PUS7L: variants seen among roughly 807,000 people sequenced by gnomAD.
PUS7L encodes the protein pseudouridylate synthase PUS7L.
PUS7L carries 49 observed loss-of-function variants against 51.1 expected under a neutral mutation model. The ratio of observed to expected loss-of-function variants is 0.96; its 90% confidence interval spans 0.76 to 1.22. The LOEUF is 1.22. PUS7L is among the 50% of genes most tolerant of loss of function. The pLI is 0.00. For missense variants in PUS7L, 828 were observed against 820.6 expected (o/e 1.01, Z -0.11); for synonymous variants, 277 against 276.2 (o/e 1.00, Z -0.03).
At position 43,754,377 on chromosome 12, in the gene PUS7L, C is replaced by T. The variant is rs147072734; in HGVS notation, c.869G>A (p.Arg290Lys). The T allele has an allele frequency of 2.3e-3, 3,722 of 1,607,082 alleles. 4 individuals are homozygous for T. The highest frequency in any genetic ancestry group is 2.7e-3 in the Non-Finnish European group (3,208 of 1,177,710). The change falls in exon 2 of 9, where the codon AGG becomes AAG. Residue 290 changes from arginine (R) to lysine (K), a missense_variant. By Grantham distance (26) the Arg-to-Lys change is conservative. Transcript: ENST00000344862. ...TCCTTCTTGGCATTCAGAAAGAGGC[C>T]TTTTCCCACGTTTGTGTGCTTTTTC... ...FREKAHKRGK[R>K]PLSECQEGKV...
At position 43,754,873 on chromosome 12, in the gene PUS7L, A is replaced by G. The variant is rs1299457469; in HGVS notation, c.373T>C (p.Leu125=). 6.2e-7 allele frequency: 1 copy of G among 1,613,742 alleles called. No homozygotes were observed. Among genetic ancestry groups the G allele is most frequent in the Non-Finnish European group, 8.5e-7 (1 of 1,179,846 alleles). ...GTTTTTTCATCCAAAAAGGAGCTTA[A>G]AACATCAGCTTTTTCTTCACATTTG... ...TSKCEEKADV[L]SSFLDEKTHE... Residue 125 remains leucine (L), a synonymous_variant, in exon 2 of 9, where the codon TTA becomes CTA. Coordinates refer to ENST00000344862, the MANE Select transcript of PUS7L (RefSeq NM_031292.5).
chr12:43,738,231 A>G lies in PUS7L; in HGVS notation c.1444+79T>C, dbSNP rs564684451. 1.4e-5 allele frequency: 11 copies of G among 792,158 alleles called. No homozygotes were observed. In the East Asian group the frequency reaches 2.5e-4, roughly 18 times the overall value. 49.1% of individuals were successfully genotyped at this position (792,158 alleles called of 1,614,324 possible). A position where few individuals can be genotyped will look rare whatever the true frequency, so the allele number is the denominator to read the frequency against. ...TCTTATCACATTTATGTTACAATAA[A>G]TGCTCTCCTGCTGATAAAACATTTA... On this transcript the variant is annotated intron_variant, in intron 6 of 8. Transcript: ENST00000344862.
chr12:43,744,333 G>A (rs1363360626), intron 4 of PUS7L, among the ~76,000 whole-genome samples: 1 of 152,086 alleles, frequency 6.6e-6, no homozygotes, highest in Non-Finnish European at 1.5e-5. Context: ...TTGAATTATG[G>A]GGTCGGTTTT....
At chr12:43,751,268 T>C (rs1327627269) in intron 2 of PUS7L, among the ~76,000 whole-genome samples, 3 of 152,006 alleles carry the variant, frequency 2.0e-5, no homozygotes, top group Admixed American at 6.6e-5. Flanking sequence ...TACATATGTA[T>C]ACATGTGCCA....
intron 1 of PUS7L, among the ~76,000 whole-genome samples, chr12:43,757,998 G>A (rs372815355): frequency 1.2e-4 from 19 of 152,280 alleles, no homozygotes; most frequent in African/African-American, 2.4e-4. Flanking sequence ...GATGGCTACT[G>A]TTAGTGTTTG....
At chr12:43,755,978 A>G (rs550972147) in intron 1 of PUS7L, among the ~76,000 whole-genome samples, 1 of 152,192 alleles carries the variant, frequency 6.6e-6, no homozygotes, top group Admixed American at 6.5e-5. Context: ...TTTCACACAA[A>G]CCCATGGCTA....
In PUS7L at chr12:43,758,738, AG is replaced by A. The variant is rs1939062742; in HGVS notation, c.-26del. The A allele has an allele frequency of 1.0e-6, 1 of 976,530 alleles. No individual in the cohort carries two copies. Among genetic ancestry groups the A allele is most frequent in the Non-Finnish European group, 1.2e-6 (1 of 828,468 alleles). The allele number at this position is 976,530 out of a possible 1,614,324, so 60.5% of individuals were successfully genotyped here. On this transcript the variant is annotated 5_prime_UTR_variant, in exon 1 of 9. It adds an upstream start codon to the 5' untranslated region. Transcript: ENST00000344862. ...AACTCGACCCCGTCTACCTCGGTTC[AG>A]TGGAAGGCATTCATTTGCACAACGC... is the stretch of plus-strand genomic sequence containing the variant.
chr12:43,729,197 G>A lies in PUS7L; in HGVS notation c.*1179C>T. On this transcript the variant is annotated 3_prime_UTR_variant, in exon 9 of 9. Coordinates refer to ENST00000344862, the MANE Select transcript of PUS7L (RefSeq NM_031292.5). ...CTGGACTTTGAAAACTGTTTTTAGTGTCTGTATATGAAAATATTGCAATAA... is the reference window on the plus strand; with the variant it reads ...CTGGACTTTGAAAACTGTTTTTAGTATCTGTATATGAAAATATTGCAATAA... The A allele has an allele frequency of 2.5e-6, 1 of 397,750 alleles. No homozygotes were observed. The highest frequency in any genetic ancestry group is 3.6e-5 in the East Asian group (1 of 27,980). The allele number at this position is 397,750 out of a possible 1,614,324, so 24.6% of individuals were successfully genotyped here. A position where few individuals can be genotyped will look rare whatever the true frequency, so the allele number is the denominator to read the frequency against.
chr12:43,733,031 C>T (rs1328588516), intron 7 of PUS7L, among the ~76,000 whole-genome samples: 1 of 152,110 alleles, frequency 6.6e-6, no homozygotes, highest in Non-Finnish European at 1.5e-5. Context: ...GTATAAAACA[C>T]CATGCTTTGT....
At chr12:43,738,743 T>G in intron 5 of PUS7L, 1 of 251,478 alleles carries the variant, frequency 4.0e-6, no homozygotes, top group Non-Finnish European at 7.9e-6. Context: ...CTAAATGTAT[T>G]AAACCCTTAT....
At chr12:43,752,429 C>T (rs1275928066) in intron 2 of PUS7L, among the ~76,000 whole-genome samples, 2 of 152,230 alleles carry the variant, frequency 1.3e-5, no homozygotes, top group African/African-American at 4.8e-5. Flanking sequence ...TTTCCAAGTT[C>T]CAAGGCTGAA....
intron 2 of PUS7L, among the ~76,000 whole-genome samples, chr12:43,753,127 G>A (rs759209943): frequency 5.3e-5 from 8 of 152,108 alleles, no homozygotes; most frequent in Non-Finnish European, 7.4e-5. Flanking sequence ...CTTTCTACAA[G>A]TAAAGCTAGT....
At position 43,721,104 on chromosome 12, in the gene PUS7L, A is replaced by G. The variant is rs1944392553; in HGVS notation, c.*9272T>C. ...ATAAAGTTTTAGAAATATGCAGATA[A>G]ATTCAGAGATAAGCAGATATTAAAT... On this transcript the variant is annotated 3_prime_UTR_variant, in exon 9 of 9. Coordinates refer to ENST00000344862, the MANE Select transcript of PUS7L (RefSeq NM_031292.5). The G allele has an allele frequency of 6.6e-6, 1 of 152,192 alleles. No homozygotes were observed. Among genetic ancestry groups the G allele is most frequent in the Non-Finnish European group, 1.5e-5 (1 of 68,030 alleles). 9.4% of individuals were successfully genotyped at this position (152,192 alleles called of 1,614,324 possible). A position where few individuals can be genotyped will look rare whatever the true frequency, so the allele number is the denominator to read the frequency against.
chr12:43,743,802 C>G (rs1175535004), intron 4 of PUS7L, among the ~76,000 whole-genome samples: 1 of 152,078 alleles, frequency 6.6e-6, no homozygotes, highest in Non-Finnish European at 1.5e-5. Flanking sequence ...TAAGTACTCC[C>G]TGAATTAAAT....
At chr12:43,754,214 C>A in intron 2 of PUS7L, 122 bp downstream of exon 2, 1 of 596,524 alleles carries the variant, frequency 1.7e-6, no homozygotes, top group Non-Finnish European at 2.8e-6. Flanking sequence ...AGCAATTCCT[C>A]TCCCTAAAGG....
At chr12:43,749,107 G>A (rs916466617) in intron 2 of PUS7L, among the ~76,000 whole-genome samples, 16 of 152,142 alleles carry the variant, frequency 1.1e-4, no homozygotes, top group African/African-American at 3.6e-4. Context: ...CTCATTGAAG[G>A]CTTACAGGCA....
intron 6 of PUS7L, chr12:43,738,034 T>G: frequency 3.5e-6 from 1 of 285,112 alleles, no homozygotes; most frequent in East Asian, 6.8e-5. Flanking sequence ...AATTTGGAAC[T>G]CTCTCTCAGA....
chr12:43,747,954 A>G (rs991520827), intron 3 of PUS7L, among the ~76,000 whole-genome samples: 61 of 151,920 alleles, frequency 4.0e-4, no homozygotes, highest in African/African-American at 1.4e-3. Context: ...CATCCAGCTA[A>G]TTTTTTATAT....
Position 43,729,681 on chromosome 12 carries a change from G to C in PUS7L, c.*695C>G, listed in dbSNP as rs938832507. 1 of 153,174 alleles carries C rather than the reference G, an allele frequency of 6.5e-6. No homozygotes were observed. Among genetic ancestry groups the C allele is most frequent in the African/African-American group, 2.4e-5 (1 of 41,484 alleles). The allele number at this position is 153,174 out of a possible 1,614,324, so 9.5% of individuals were successfully genotyped here. A position where few individuals can be genotyped will look rare whatever the true frequency, so the allele number is the denominator to read the frequency against. On this transcript the variant is annotated 3_prime_UTR_variant, in exon 9 of 9. Coordinates refer to ENST00000344862, the MANE Select transcript of PUS7L (RefSeq NM_031292.5). ...TACTCAAAATCACTAGTAAGTGTCA[G>C]AGCTAGAATCTAAGAATGAATCTGT...
Sources: allele counts gnomAD v4.1 joint callset (sites outside exome capture counted in the v4.1 genomes callset), GRCh38; gene constraint gnomAD v4.1.1; transcripts MANE v1.5; gene names NCBI Gene and HGNC (gene_info 2026-07-23, HGNC 2026-07-21).